The following TTC17 variants were observed in gnomAD, a reference collection of about 807,000 sequenced individuals.
TTC17 encodes tetratricopeptide repeat protein 17.
Under a neutral mutation model 143.8 loss-of-function variants are expected in TTC17, and 58 were observed. The observed-to-expected ratio is 0.40, with a 90% CI of 0.33 to 0.50. The LOEUF (loss-of-function observed/expected upper bound fraction) is 0.50, where lower values mean the gene tolerates loss of function less well. TTC17 is among the 20% of genes least tolerant of loss of function. TTC17 has a pLI of 0.49. For synonymous variants in TTC17, 501 were observed against 497.8 expected, an observed-to-expected ratio of 1.01 and a Z score of -0.09; for missense variants, 1,273 against 1,392.5, an observed-to-expected ratio of 0.91 and a Z score of 1.37.
intron 15 of TTC17, among the ~76,000 whole-genome samples, chr11:43,408,973 G>A (rs904015890): frequency 1.3e-5 from 2 of 151,966 alleles, no homozygotes; most frequent in African/African-American, 4.8e-5. Context: ...GAACACCCGA[G>A]CTCAAGCAAT....
rs1946732543 is a variant in TTC17, at chr11:43,414,526, A to T, written c.2065-64A>T. 8.5e-6 allele frequency: 13 copies of T among 1,533,370 alleles called. No individual in the cohort carries two copies. The Admixed American group carries it at 2.7e-4, about 32-fold the overall frequency. 95.0% of individuals were successfully genotyped at this position (1,533,370 alleles called of 1,614,324 possible). A position where few individuals can be genotyped will look rare whatever the true frequency, so the allele number is the denominator to read the frequency against. On this transcript the variant is annotated intron_variant, in intron 15 of 23. Coordinates refer to ENST00000039989, the MANE Select transcript of TTC17 (RefSeq NM_018259.6). ...AAGAGCCAAAAGCCATATACTGTAA[A>T]CGTTTTGTAACTCCCAGAAAATATT...
At chr11:43,461,471 T>G (rs1248854297) in intron 21 of TTC17, among the ~76,000 whole-genome samples, 1 of 150,248 alleles carries the variant, frequency 6.7e-6, no homozygotes, top group Non-Finnish European at 1.5e-5. Flanking sequence ...AACTGCAGGC[T>G]TAGAATTCTA....
At chr11:43,434,382 C>G (rs1025753570) in intron 16 of TTC17, among the ~76,000 whole-genome samples, 4 of 152,166 alleles carry the variant, frequency 2.6e-5, no homozygotes, top group African/African-American at 9.7e-5. Context: ...TCTTCCTTGC[C>G]TAGAATGCTG....
intron 1 of TTC17, among the ~76,000 whole-genome samples, chr11:43,371,727 GATCCT>G: frequency 6.6e-6 from 1 of 152,286 alleles, no homozygotes; most frequent in Admixed American, 6.5e-5. Context: ...GACCTGCCCT[GATCCT>G]GAAACTACCT....
chr11:43,383,469 C>T (rs375599176), intron 2 of TTC17, among the ~76,000 whole-genome samples: 59 of 152,080 alleles, frequency 3.9e-4, no homozygotes, highest in African/African-American at 1.3e-3. Context: ...TCTCCTGCCT[C>T]AGCCTCCCGA....
chr11:43,386,807 G>A (rs958319589), intron 2 of TTC17, among the ~76,000 whole-genome samples: 2 of 151,574 alleles, frequency 1.3e-5, no homozygotes, highest in South Asian at 2.1e-4. Context: ...TCATTTTTGT[G>A]AGACAGGGTC....
At chr11:43,427,828 C>T (rs1192108640) in intron 16 of TTC17, among the ~76,000 whole-genome samples, 1 of 152,124 alleles carries the variant, frequency 6.6e-6, no homozygotes, top group East Asian at 1.9e-4. Context: ...GCTCACCAAG[C>T]ATTCCATACC....
At chr11:43,438,961 C>G (rs765077015) in intron 16 of TTC17, among the ~76,000 whole-genome samples, 10 of 152,172 alleles carry the variant, frequency 6.6e-5, no homozygotes, top group Non-Finnish European at 1.2e-4. Context: ...ATCCAAAAGT[C>G]TTTCCTAATA....
In TTC17 at chr11:43,407,196, T is replaced by C; in HGVS notation, c.1820T>C (p.Leu607Ser). The change falls in exon 14 of 24, where the codon TTA (leucine) becomes TCA (serine). Residue 607 changes from leucine to serine, a missense_variant. Leu to Ser is a moderately radical substitution (Grantham distance 145). Coordinates refer to ENST00000039989, the MANE Select transcript of TTC17 (RefSeq NM_018259.6). ...TIPEEEIGSF[L>S]FHAINKPNAP... ...CCAGAAGAAGAAATTGGGTCTTTCTTATTTCATGCTATTAATAAGGTGAGT... is the reference window on the plus strand; with the variant it reads ...CCAGAAGAAGAAATTGGGTCTTTCTCATTTCATGCTATTAATAAGGTGAGT... 6.3e-7 allele frequency: 1 copy of C among 1,597,486 alleles called. No individual in the cohort carries two copies.
intron 1 of TTC17, among the ~76,000 whole-genome samples, chr11:43,361,971 A>G (rs1303632120): frequency 1.3e-5 from 2 of 149,498 alleles, no homozygotes; most frequent in East Asian, 3.9e-4. Context: ...TCCAACCATC[A>G]TTATAACTTT....
At chr11:43,434,699 C>G (rs1436653232) in intron 16 of TTC17, among the ~76,000 whole-genome samples, 17 of 152,318 alleles carry the variant, frequency 1.1e-4, no homozygotes, top group Admixed American at 8.5e-4. Context: ...TTATTTGGAA[C>G]AAGTATTCTT....
At chr11:43,382,942 T>G (rs896322570) in intron 2 of TTC17, among the ~76,000 whole-genome samples, 5 of 152,070 alleles carry the variant, frequency 3.3e-5, no homozygotes, top group African/African-American at 9.7e-5. Context: ...CTCTGTCACC[T>G]AGGCTGGAGT....
intron 21 of TTC17, among the ~76,000 whole-genome samples, chr11:43,480,544 C>T (rs1948266584): frequency 6.6e-6 from 1 of 151,946 alleles, no homozygotes; most frequent in African/African-American, 2.4e-5. Context: ...TTATCTGAGA[C>T]CCAAGAAGAT....
intron 21 of TTC17, among the ~76,000 whole-genome samples, chr11:43,477,061 A>C (rs1246940807): frequency 6.6e-6 from 1 of 152,152 alleles, no homozygotes; most frequent in Admixed American, 6.5e-5. Flanking sequence ...ATCTCTCTCA[A>C]GTTCAAAGTT....
rs867171972 is a variant in TTC17, at chr11:43,443,360, A to C, written c.2287A>C (p.Met763Leu). The change falls in exon 17 of 24, where the codon ATG becomes CTG. Residue 763 changes from methionine to leucine, a missense_variant. Met to Leu is a conservative substitution (Grantham distance 15). This residue lies in a region of TTC17 where 878 missense variants were observed against 899.8 expected (regional missense o/e 0.98). Coordinates refer to ENST00000039989, the MANE Select transcript of TTC17 (RefSeq NM_018259.6). ...TGAGGAGAGCAATGGTTCTGATGAG[A>C]TGGAGAATTCAGATGAAACCAAAAT... Reference protein sequence around the residue: ...VVEESNGSDEMENSDETKMSE... With the variant: ...VVEESNGSDELENSDETKMSE... The C allele has an allele frequency of 6.2e-7, 1 of 1,614,022 alleles. No homozygotes were observed. Among genetic ancestry groups the C allele is most frequent in the African/African-American group, 1.3e-5 (1 of 74,918 alleles).
In TTC17 at chr11:43,359,166, T is replaced by A. The variant is rs902896587; in HGVS notation, c.159+53T>A. 5.1e-5 allele frequency: 77 copies of A among 1,498,266 alleles called. No homozygotes were observed. The African/African-American group carries it at 1.0e-3, about 19-fold the overall frequency. 92.8% of individuals were successfully genotyped at this position (1,498,266 alleles called of 1,614,324 possible). A position where few individuals can be genotyped will look rare whatever the true frequency, so the allele number is the denominator to read the frequency against. ...CGTGCCCGCCCTCGCCCCGGGGGGA[T>A]TACCCTGCTTGGCCCCTGGCTGTTG... On this transcript the variant is annotated intron_variant, in intron 1 of 23. Transcript: ENST00000039989.
At position 43,397,360 on chromosome 11, in the gene TTC17, A is replaced by G; in HGVS notation, c.787A>G (p.Ile263Val). The stretch of plus-strand genomic sequence containing the variant: ...TGCTTTCCTTAGGCACAATAAAGAC[A>G]TTGCCCTGGTCAACCTGGCAAACGT... ...LHFSSRHNKD[I>V]ALVNLANVLH... is the part of the protein sequence containing the mutation. Residue 263 changes from isoleucine (I) to valine (V), a missense_variant, in exon 7 of 24, where the codon ATT (isoleucine) becomes GTT (valine). Ile to Val is a conservative substitution (Grantham distance 29). Transcript: ENST00000039989. 7 of 1,610,156 alleles carry G rather than the reference A, an allele frequency of 4.3e-6. No individual in the cohort carries two copies. Among genetic ancestry groups the G allele is most frequent in the Non-Finnish European group, 5.9e-6 (7 of 1,179,578 alleles).
chr11:43,397,486 T>TA lies in TTC17; in HGVS notation c.914dup (p.Tyr305Ter). 1 of 1,610,852 alleles carries TA rather than the reference T, an allele frequency of 6.2e-7. No homozygotes were observed. Among genetic ancestry groups the TA allele is most frequent in the Non-Finnish European group, 8.5e-7 (1 of 1,179,394 alleles). The change falls in exon 7 of 24, where the codon TAT (tyrosine) becomes TAAT (stop). Residue 305 changes from tyrosine to a stop codon, truncating the protein, a stop_gained and frameshift_variant. Coordinates refer to ENST00000039989, the MANE Select transcript of TTC17 (RefSeq NM_018259.6). LOFTEE classifies it high-confidence loss of function. Reference sequence around the variant, plus strand: ...CAGCTATTACACTTTGGGGAATATATATGCAGTAAGTACTACTCTTTGTTT... The same window carrying TA: ...CAGCTATTACACTTTGGGGAATATATAATGCAGTAAGTACTACTCTTTGTTT... ...FTSYYTLGNIYAMLGEYNHSV... is the reference protein window; with the variant it reads ...FTSYYTLGNI
intron 1 of TTC17, among the ~76,000 whole-genome samples, chr11:43,375,285 G>A (rs1485007801): frequency 1.3e-5 from 2 of 152,116 alleles, no homozygotes; most frequent in African/African-American, 2.4e-5. Flanking sequence ...TCTGACAACG[G>A]CTTCCCATAT....
Sources: gnomAD v4.1 joint callset for allele counts (sites outside exome capture counted in the v4.1 genomes callset) on GRCh38, gnomAD v4.1.1 for gene constraint, gnomAD v4.1.1 regional missense constraint, MANE v1.5 for transcripts, NCBI Gene and HGNC (gene_info 2026-07-23, HGNC 2026-07-21) for gene names.